MYO1E: variants seen among roughly 807,000 people sequenced by gnomAD.
MYO1E encodes the protein unconventional myosin-Ie.
MYO1E carries 68 observed loss-of-function variants against 151.1 expected under a neutral mutation model. The observed-to-expected ratio is 0.45, with a 90% CI of 0.37 to 0.55. MYO1E has a LOEUF of 0.55. Ranked by LOEUF, MYO1E falls within the 20% of genes least tolerant of loss-of-function variation. The probability of loss-of-function intolerance (pLI) is 0.00; values close to 1 mark genes in which losing one functional copy is unlikely to be tolerated. For synonymous variants in MYO1E, 601 were observed against 501.7 expected (o/e 1.20, Z -2.64); for missense variants, 1,363 against 1,389.3 (o/e 0.98, Z 0.30).
At position 59,134,446 on chromosome 15, in the gene MYO1E, T is replaced by G. The variant is rs1281790810; in HGVS notation, c.*2934A>C. 6.6e-6 allele frequency: 1 copy of G among 152,262 alleles called. No individual in the cohort carries two copies. Among genetic ancestry groups the G allele is most frequent in the Non-Finnish European group, 1.5e-5 (1 of 68,086 alleles). The allele number at this position is 152,262 out of a possible 1,614,324, so 9.4% of individuals were successfully genotyped here. On this transcript the variant is annotated 3_prime_UTR_variant, in exon 28 of 28. Coordinates refer to ENST00000288235, the MANE Select transcript of MYO1E (RefSeq NM_004998.4). ...GGCTCTTGCCCATAATCCCAGCACT[T>G]TGAGAGGCTGAGGCAGGAGGATCGT...
chr15:59,284,600 C>T lies in MYO1E; in HGVS notation c.4-12151G>A, dbSNP rs560963145. 2.8e-3 allele frequency among the ~76,000 whole-genome samples: 430 copies of T among 151,202 alleles called. 2 individuals are homozygous for T. Among genetic ancestry groups the T allele is most frequent in the South Asian group, 5.9e-3 (28 of 4,756 alleles). Reference sequence around the variant, plus strand: ...TAGTAGCCAGGGCTACAGGTGTGCACCACCATACCTGGCTGTGTTTCTCTA... The same window carrying T: ...TAGTAGCCAGGGCTACAGGTGTGCATCACCATACCTGGCTGTGTTTCTCTA... On this transcript the variant is annotated intron_variant, in intron 1 of 27. Transcript: ENST00000288235.
At chr15:59,339,474 C>G (rs1437922933) in intron 1 of MYO1E, among the ~76,000 whole-genome samples, 1 of 152,182 alleles carries the variant, frequency 6.6e-6, no homozygotes, top group African/African-American at 2.4e-5. Flanking sequence ...TTCACTACCC[C>G]GATATTCACA....
chr15:59,141,818 A>T (rs74915038), intron 26 of MYO1E, among the ~76,000 whole-genome samples: 5 of 144,880 alleles, frequency 3.5e-5, no homozygotes, highest in East Asian at 2.1e-4. Flanking sequence ...AAAAAAAAAA[A>T]GGCTGGGTGC....
Position 59,138,336 on chromosome 15 carries a change from G to A in MYO1E, c.3112C>T (p.Pro1038Ser), listed in dbSNP as rs747160675. The part of the protein sequence containing the change: ...VRRQTTSRPP[P>S]AGGRPKPQPK... ...TGGGGCTTGGGTCTGCCCCCTGCTG[G>A]GGGAGGCCGACTGGTTGTTTGTCTC... Residue 1038 changes from proline to serine, a missense_variant, in exon 27 of 28, where the codon CCA becomes TCA. Pro to Ser is a moderately conservative substitution (Grantham distance 74). Transcript: ENST00000288235. 1.2e-6 allele frequency: 2 copies of A among 1,614,046 alleles called. No individual in the cohort carries two copies. Among genetic ancestry groups the A allele is most frequent in the Admixed American group, 1.7e-5 (1 of 60,000 alleles).
chr15:59,227,359 TCC>T, intron 7 of MYO1E, 98 bp downstream of exon 7: 1 of 1,442,416 alleles, frequency 6.9e-7, no homozygotes, highest in South Asian at 1.2e-5. Context: ...TCATCAGTCC[TCC>T]CTGGCTTCCT....
chr15:59,210,917 T>C (rs1218096841), intron 12 of MYO1E, among the ~76,000 whole-genome samples: 2 of 152,048 alleles, frequency 1.3e-5, no homozygotes, highest in Non-Finnish European at 1.5e-5. Flanking sequence ...AAATTTAACA[T>C]AGGACTGGGC....
At chr15:59,198,211 C>T (rs1256631809) in intron 16 of MYO1E, among the ~76,000 whole-genome samples, 3 of 152,170 alleles carry the variant, frequency 2.0e-5, no homozygotes, top group Non-Finnish European at 4.4e-5. Flanking sequence ...GAAGCAGTAA[C>T]TGAATTTAAT....
chr15:59,227,700 A>G (rs1325787182), intron 6 of MYO1E, 110 bp from the exon 7 acceptor site: 1 of 1,399,798 alleles, frequency 7.1e-7, no homozygotes, highest in Non-Finnish European at 1.0e-6. Flanking sequence ...TAAAATACAC[A>G]TTCTGAATTA....
chr15:59,191,499 T>A (rs1475066222), intron 17 of MYO1E, among the ~76,000 whole-genome samples: 2 of 152,184 alleles, frequency 1.3e-5, no homozygotes, highest in Non-Finnish European at 2.9e-5. Context: ...AAAATGCATT[T>A]AAAGGTTCTG....
At chr15:59,220,766 G>C (rs1298587897) in intron 9 of MYO1E, among the ~76,000 whole-genome samples, 1 of 151,496 alleles carries the variant, frequency 6.6e-6, no homozygotes, top group Admixed American at 6.6e-5. Flanking sequence ...GATAAATAAA[G>C]TGTAGCCAAT....
At chr15:59,205,533 TAATTGAACAAAA>T (rs745813438) in intron 14 of MYO1E, 48 bp from the exon 15 acceptor site, 77 of 1,520,734 alleles carry the variant, frequency 5.1e-5, no homozygotes, top group Middle Eastern at 1.7e-4. Context: ...AAAATGTAAT[TAATTGAACAAAA>T]TCATTTATTG....
Position 59,158,355 on chromosome 15 carries a change from T to G in MYO1E, c.2810A>C (p.Gln937Pro), listed in dbSNP as rs1483711290. The G allele has an allele frequency of 3.8e-6, 6 of 1,569,036 alleles. No homozygotes were observed. Among genetic ancestry groups the G allele is most frequent in the South Asian group, 1.2e-5 (1 of 85,600 alleles). The change falls in exon 25 of 28, where the codon CAA (glutamine) becomes CCA (proline). Residue 937 changes from glutamine to proline, a missense_variant. Transcript: ENST00000288235. ...AGTCCCACTGGAATAACCTGTATTT[T>G]GGGTAGTGTTCCTTCTGGTAGGACC... is the stretch of plus-strand genomic sequence containing the variant. Reference protein sequence around the residue: ...NSRPTRRNTTQNTGYSSGTQN... With the variant: ...NSRPTRRNTTPNTGYSSGTQN...
intron 19 of MYO1E, among the ~76,000 whole-genome samples, chr15:59,175,708 A>C (rs1247302192): frequency 6.6e-6 from 1 of 152,192 alleles, no homozygotes; most frequent in Non-Finnish European, 1.5e-5. Flanking sequence ...TGGGTTTCTG[A>C]GTAAGTCTTG....
chr15:59,249,164 C>T (rs1298510008), intron 4 of MYO1E, among the ~76,000 whole-genome samples: 1 of 152,192 alleles, frequency 6.6e-6, no homozygotes, highest in Non-Finnish European at 1.5e-5. Flanking sequence ...TGGCTCACGC[C>T]TGTAATCCCA....
intron 17 of MYO1E, 72 bp downstream of exon 17, chr15:59,195,389 T>C: frequency 7.5e-7 from 1 of 1,328,590 alleles, no homozygotes; most frequent in Non-Finnish European, 1.1e-6. Flanking sequence ...CTCCTGCCTG[T>C]GATGGAGGAC....
intron 3 of MYO1E, among the ~76,000 whole-genome samples, chr15:59,256,789 C>G (rs1267112785): frequency 6.6e-6 from 1 of 152,186 alleles, no homozygotes; most frequent in African/African-American, 2.4e-5. Flanking sequence ...ACACCTAGAT[C>G]TGACTTCTAC....
intron 1 of MYO1E, among the ~76,000 whole-genome samples, chr15:59,362,132 C>T (rs747509882): frequency 2.0e-5 from 3 of 152,154 alleles, no homozygotes; most frequent in Non-Finnish European, 4.4e-5. Context: ...CCACCACGCC[C>T]AGCCTATATT....
intron 9 of MYO1E, among the ~76,000 whole-genome samples, chr15:59,221,345 C>A (rs1368343559): frequency 2.6e-5 from 4 of 151,962 alleles, no homozygotes; most frequent in African/African-American, 9.7e-5. Context: ...AACTGTAGAA[C>A]ATTGCAGTAT....
rs547991740 is a variant in MYO1E at position 59,220,853 on chromosome 15, G to A, written c.910+2206C>T. Reference sequence around the variant, plus strand: ...TCCTCGATTCCCAGCACTTCCGGAGGCCAAGGCGGGAGGATGACTTAAGGC... The same window carrying A: ...TCCTCGATTCCCAGCACTTCCGGAGACCAAGGCGGGAGGATGACTTAAGGC... On this transcript the variant is annotated intron_variant, in intron 9 of 27. Coordinates refer to ENST00000288235, the MANE Select transcript of MYO1E (RefSeq NM_004998.4). Among the ~76,000 whole-genome samples, 26 of 105,270 alleles carry A rather than the reference G, an allele frequency of 2.5e-4. 1 individual carries two copies. The highest frequency in any genetic ancestry group is 2.7e-5 in the Non-Finnish European group (1 of 37,616). The allele number at this position is 105,270 out of a possible 152,430, so 69.1% of individuals were successfully genotyped here. A position where few individuals can be genotyped will look rare whatever the true frequency, so the allele number is the denominator to read the frequency against.
Sources: gnomAD v4.1 joint callset for allele counts (sites outside exome capture counted in the v4.1 genomes callset) on GRCh38, gnomAD v4.1.1 for gene constraint, MANE v1.5 for transcripts, NCBI Gene and HGNC (gene_info 2026-07-23, HGNC 2026-07-21) for gene names.